MEP1A: variants seen among roughly 807,000 people sequenced by gnomAD.
MEP1A encodes meprin A subunit alpha, also known as N-benzoyl-L-tyrosyl-P-amino-benzoic acid hydrolase subunit alpha.
MEP1A carries 68 observed loss-of-function variants against 84.5 expected under a neutral mutation model. The observed-to-expected ratio is 0.80, with a 90% CI of 0.66 to 0.98. The LOEUF (loss-of-function observed/expected upper bound fraction) is 0.98. Among genes scored for constraint, MEP1A ranks in the 50% least tolerant of loss-of-function variants. The pLI is 0.00. For synonymous variants in MEP1A, 337 were observed against 336.8 expected (o/e 1.00, Z -0.01); for missense variants, 887 against 919.9 (o/e 0.96, Z 0.46).
Position 46,833,302 on chromosome 6 carries a change from G to C in MEP1A, c.1373G>C (p.Arg458Pro). ...AAAGGGGACAAGCTTCAGAGCCCTCGATTCTACAATTCGGAGGGATATGGT... is the reference window on the plus strand; with the variant it reads ...AAAGGGGACAAGCTTCAGAGCCCTCCATTCTACAATTCGGAGGGATATGGT... ...TSKGDKLQSP[R>P]FYNSEGYGFG... is the part of the protein sequence containing the mutation. The change falls in exon 11 of 14, where the codon CGA becomes CCA. Residue 458 changes from arginine (R) to proline (P), a missense_variant. Coordinates refer to ENST00000230588, the MANE Select transcript of MEP1A (RefSeq NM_005588.3). 1.2e-6 allele frequency: 2 copies of C among 1,614,178 alleles called. No individual in the cohort carries two copies. The highest frequency in any genetic ancestry group is 1.1e-5 in the South Asian group (1 of 91,080).
chr6:46,821,342 G>T (rs1767771767), intron 7 of MEP1A, among the ~76,000 whole-genome samples: 1 of 152,190 alleles, frequency 6.6e-6, no homozygotes, highest in African/African-American at 2.4e-5. Context: ...CACTGAACCA[G>T]AGGCCAGATA....
chr6:46,800,772 A>C (rs1405973206), intron 5 of MEP1A, among the ~76,000 whole-genome samples: 1 of 152,188 alleles, frequency 6.6e-6, no homozygotes, highest in African/African-American at 2.4e-5. Flanking sequence ...GCACACTTCC[A>C]TCATTCCATA....
chr6:46,818,561 G>A (rs1767694068), intron 6 of MEP1A, among the ~76,000 whole-genome samples: 1 of 152,106 alleles, frequency 6.6e-6, no homozygotes, highest in African/African-American at 2.4e-5. Flanking sequence ...AAAAATAATT[G>A]GGGGGAGAAT....
At position 46,798,631 on chromosome 6, in the gene MEP1A, G is replaced by C; in HGVS notation, c.171G>C (p.Gly57=). The C allele has an allele frequency of 6.2e-7, 1 of 1,613,942 alleles. No homozygotes were observed. The highest frequency in any genetic ancestry group is 8.5e-7 in the Non-Finnish European group (1 of 1,179,946). ...NLAAGLDLFQ[G]DILLQKSRNG... The stretch of plus-strand genomic sequence containing the variant: ...CTGCAGGCTTGGACCTCTTTCAAGG[G>C]GACATCCTCTTGCAGGTGAGTACCT... Residue 57 remains glycine (G), a synonymous_variant, in exon 4 of 14, where the codon GGG becomes GGC. Coordinates refer to ENST00000230588, the MANE Select transcript of MEP1A (RefSeq NM_005588.3).
chr6:46,810,809 C>A (rs1468175000), intron 6 of MEP1A, among the ~76,000 whole-genome samples: 1 of 152,146 alleles, frequency 6.6e-6, no homozygotes. Context: ...GTTCTCTATT[C>A]TGTTCCATTG....
chr6:46,806,347 T>G (rs1767318560), intron 5 of MEP1A, among the ~76,000 whole-genome samples: 1 of 152,094 alleles, frequency 6.6e-6, no homozygotes, highest in African/African-American at 2.4e-5. Context: ...TGTTAATTTT[T>G]GTTAGAGCAG....
At chr6:46,817,780 G>T (rs919260023) in intron 6 of MEP1A, among the ~76,000 whole-genome samples, 5 of 152,204 alleles carry the variant, frequency 3.3e-5, no homozygotes, top group Admixed American at 2.6e-4. Context: ...AGCTTTGAGA[G>T]ACATTCTTTG....
intron 7 of MEP1A, among the ~76,000 whole-genome samples, chr6:46,823,961 C>A (rs1372652271): frequency 6.6e-6 from 1 of 152,056 alleles, no homozygotes; most frequent in Admixed American, 6.6e-5. Context: ...TTTTGTTCTC[C>A]ATGAGGCTAT....
At position 46,812,105 on chromosome 6, in the gene MEP1A, C is replaced by CT. The variant is rs1228721696; in HGVS notation, c.380+2576dup. Among the ~76,000 whole-genome samples the CT allele has an allele frequency of 1.0e-3, 154 of 151,870 alleles. 1 individual carries two copies. The highest frequency in any genetic ancestry group is 3.1e-3 in the African/African-American group (127 of 41,486). On this transcript the variant is annotated intron_variant, in intron 6 of 13. Transcript: ENST00000230588. ...ATCTCTGAATCCATCTGGTCCTGGA[C>CT]TTTTTTTTGTTGGCAATTTTTGAAT...
intron 11 of MEP1A, among the ~76,000 whole-genome samples, chr6:46,834,079 C>T (rs1005448068): frequency 3.3e-5 from 5 of 151,494 alleles, no homozygotes; most frequent in African/African-American, 1.2e-4. Context: ...CAGGTTCAAA[C>T]AATTCTTCTG....
intron 5 of MEP1A, among the ~76,000 whole-genome samples, chr6:46,808,972 T>C (rs1174549992): frequency 1.3e-5 from 2 of 151,976 alleles, no homozygotes; most frequent in Non-Finnish European, 2.9e-5. Context: ...AACACTATTC[T>C]CACTGCCTCA....
At chr6:46,814,936 C>T (rs909725828) in intron 6 of MEP1A, among the ~76,000 whole-genome samples, 8 of 152,160 alleles carry the variant, frequency 5.3e-5, no homozygotes, top group African/African-American at 1.9e-4. Flanking sequence ...GCACCTGCTC[C>T]AGTGGAGGTA....
intron 7 of MEP1A, among the ~76,000 whole-genome samples, chr6:46,820,742 C>A (rs1490122024): frequency 2.6e-5 from 4 of 151,386 alleles, no homozygotes; most frequent in Non-Finnish European, 5.9e-5. Flanking sequence ...TTTGAGTACA[C>A]TAAAACATTT....
chr6:46,821,543 G>A lies in MEP1A; in HGVS notation c.556+1839G>A, dbSNP rs570163129. On this transcript the variant is annotated intron_variant, in intron 7 of 13. Transcript: ENST00000230588. ...CTGAATCTCTGATTGCACTACTCAG[G>A]GGACTATTAGACTTTGTCTATATTT... Among the ~76,000 whole-genome samples the A allele has an allele frequency of 2.0e-5, 3 of 152,182 alleles. No individual in the cohort carries two copies. In the South Asian group the frequency reaches 6.2e-4, roughly 32 times the overall value.
At chr6:46,817,197 GT>G in intron 6 of MEP1A, among the ~76,000 whole-genome samples, 1 of 152,184 alleles carries the variant, frequency 6.6e-6, no homozygotes, top group East Asian at 1.9e-4. Context: ...GGGAGGAGGG[GT>G]TAGGAAAGGA....
At chr6:46,835,757 T>C (rs1287644689) in intron 13 of MEP1A, among the ~76,000 whole-genome samples, 1 of 152,188 alleles carries the variant, frequency 6.6e-6, no homozygotes, top group Non-Finnish European at 1.5e-5. Context: ...ACCTTGTCTC[T>C]TGACTTTCAC....
At chr6:46,807,512 T>TAAAGAAAGAAAGAAAGAAAG (rs60287159) in intron 5 of MEP1A, among the ~76,000 whole-genome samples, 5 of 49,586 alleles carry the variant, frequency 1.0e-4, no homozygotes, top group Non-Finnish European at 1.6e-4. Context: ...CCATCTGAAA[T>TAAAGAAAGAAAGAAAGAAAG]AAAGAAAGAA....
chr6:46,825,666 T>C (rs554210369), intron 8 of MEP1A, among the ~76,000 whole-genome samples, 173 bp downstream of exon 8: 1 of 136,808 alleles, frequency 7.3e-6, no homozygotes, highest in African/African-American at 2.5e-5. Context: ...GTTTAAGTAT[T>C]GTCTATGGCT....
intron 6 of MEP1A, among the ~76,000 whole-genome samples, chr6:46,815,685 C>A (rs997175602): frequency 6.6e-6 from 1 of 152,170 alleles, no homozygotes; most frequent in African/African-American, 2.4e-5. Flanking sequence ...CCCTACACTG[C>A]TCTGTCCAGG....
Sources: allele counts gnomAD v4.1 joint callset (sites outside exome capture counted in the v4.1 genomes callset), GRCh38; gene constraint gnomAD v4.1.1; transcripts MANE v1.5; gene names NCBI Gene and HGNC (gene_info 2026-07-23, HGNC 2026-07-21).